Variants in RPRD1B observed in about 807,000 individuals in gnomAD.
RPRD1B encodes the protein regulation of nuclear pre-mRNA domain containing 1B, also known as regulation of nuclear pre-mRNA domain-containing protein 1B.
In RPRD1B, 11 loss-of-function variants were observed where a neutral mutation model predicts 41.5. That is an observed-to-expected ratio of 0.27 (90% CI 0.17 to 0.44). The LOEUF (loss-of-function observed/expected upper bound fraction) is 0.44. Ranked by LOEUF, RPRD1B falls within the 20% of genes least tolerant of loss-of-function variation. RPRD1B has a pLI of 1.00. For missense variants in RPRD1B, 248 were observed against 389.9 expected (o/e 0.64, Z 3.06); for synonymous variants, 158 against 155.6 (o/e 1.02, Z -0.12).
Position 38,035,601 on chromosome 20 carries a change from C to T in RPRD1B, c.151+1503C>T, listed in dbSNP as rs139872461. Among the ~76,000 whole-genome samples, 459 of 152,300 alleles carry T rather than the reference C, an allele frequency of 3.0e-3. 2 individuals carry two copies. The highest frequency in any genetic ancestry group is 0.014 in the Middle Eastern group (4 of 294). On this transcript the variant is annotated intron_variant, in intron 1 of 6. Coordinates refer to ENST00000373433, the MANE Select transcript of RPRD1B (RefSeq NM_021215.4). The stretch of plus-strand genomic sequence containing the variant: ...ATCCCCTCAGCCCTTCGGGCAGTTC[C>T]GGGAAGAGGTAGAGCCTGGAGTTTA...
intron 3 of RPRD1B, among the ~76,000 whole-genome samples, chr20:38,052,025 A>G (rs545877090): frequency 1.8e-4 from 28 of 152,342 alleles, no homozygotes; most frequent in African/African-American, 6.5e-4. Context: ...TGGCAGGATT[A>G]CAGGCATGAG....
At chr20:38,076,767 T>C (rs2074464197) in intron 6 of RPRD1B, among the ~76,000 whole-genome samples, 1 of 151,808 alleles carries the variant, frequency 6.6e-6, no homozygotes, top group Non-Finnish European at 1.5e-5. Flanking sequence ...TTAATATTAC[T>C]GTATTACAAT....
intron 6 of RPRD1B, chr20:38,070,148 T>C: frequency 1.0e-6 from 1 of 972,548 alleles, no homozygotes; most frequent in Non-Finnish European, 1.2e-6. Context: ...ACTTTTCTTT[T>C]TTCCTTTAAG....
intron 5 of RPRD1B, 30 bp from the exon 6 acceptor site, chr20:38,066,051 T>C: frequency 1.2e-6 from 2 of 1,606,538 alleles, no homozygotes; most frequent in South Asian, 1.1e-5. Context: ...TTGTATATTT[T>C]CTCTATTTTT....
At chr20:38,059,813 G>A (rs527313495) in intron 5 of RPRD1B, among the ~76,000 whole-genome samples, 8 of 152,282 alleles carry the variant, frequency 5.3e-5, no homozygotes, top group African/African-American at 1.9e-4. Flanking sequence ...TGCGTGTGGG[G>A]TGGGTGGGGG....
At chr20:38,059,561 A>T in intron 5 of RPRD1B, 41 bp downstream of exon 5, 2 of 1,604,320 alleles carry the variant, frequency 1.2e-6, no homozygotes, top group Non-Finnish European at 1.7e-6. Flanking sequence ...GGAGAGAGGG[A>T]CATAACTGTA....
intron 5 of RPRD1B, 140 bp from the exon 6 acceptor site, chr20:38,065,941 C>T (rs1040059299): frequency 2.7e-6 from 2 of 746,732 alleles, no homozygotes; most frequent in Non-Finnish European, 4.3e-6. Flanking sequence ...TTAATCAACT[C>T]ATTGTTTGTC....
chr20:38,065,800 C>T (rs2122736390), intron 5 of RPRD1B: 1 of 278,786 alleles, frequency 3.6e-6, no homozygotes, highest in South Asian at 1.2e-4. Context: ...CTTGTTTTGT[C>T]AGGAGAGCTT....
chr20:38,088,743 T>C (rs2074585757), intron 6 of RPRD1B, among the ~76,000 whole-genome samples: 1 of 152,158 alleles, frequency 6.6e-6, no homozygotes, highest in Non-Finnish European at 1.5e-5. Flanking sequence ...AAGTCTCACA[T>C]GTATGGAGAG....
rs151295739 is a variant in RPRD1B, at chr20:38,089,770, A to G, written c.876A>G (p.Glu292=). ...KLARVTQVRK[E]LKSHIQSLPD... ...CACGAGTAACCCAGGTCCGCAAGGAACTGAAATCCCATATTCAGAGCTTGC... is the reference window on the plus strand; with the variant it reads ...CACGAGTAACCCAGGTCCGCAAGGAGCTGAAATCCCATATTCAGAGCTTGC... The change falls in exon 7 of 7, where the codon GAA becomes GAG. Residue 292 remains glutamate, a synonymous_variant. Coordinates refer to ENST00000373433, the MANE Select transcript of RPRD1B (RefSeq NM_021215.4). The G allele has an allele frequency of 1.2e-6, 2 of 1,614,070 alleles. No homozygotes were observed. Among genetic ancestry groups the G allele is most frequent in the Non-Finnish European group, 1.7e-6 (2 of 1,180,044 alleles).
At chr20:38,045,257 A>C (rs2074109706) in intron 2 of RPRD1B, among the ~76,000 whole-genome samples, 1 of 152,204 alleles carries the variant, frequency 6.6e-6, no homozygotes, top group South Asian at 2.1e-4. Flanking sequence ...TTTTCCACTT[A>C]AAGATTTCTC....
At chr20:38,087,364 A>G (rs760561484) in intron 6 of RPRD1B, among the ~76,000 whole-genome samples, 6 of 152,232 alleles carry the variant, frequency 3.9e-5, no homozygotes, top group Non-Finnish European at 8.8e-5. Context: ...TGAACTTGCC[A>G]CGTTGGTCTG....
chr20:38,034,153 A>G (rs1461772674), intron 1 of RPRD1B, 55 bp downstream of exon 1: 4 of 1,575,512 alleles, frequency 2.5e-6, no homozygotes, highest in Non-Finnish European at 3.5e-6. Context: ...TCTCGCCCAC[A>G]TACAACCTAG....
intron 2 of RPRD1B, among the ~76,000 whole-genome samples, chr20:38,047,193 T>C (rs988650275): frequency 2.0e-5 from 3 of 152,218 alleles, no homozygotes; most frequent in African/African-American, 7.2e-5. Context: ...TTTCCTTTTT[T>C]TTCCCGAACC....
intron 3 of RPRD1B, among the ~76,000 whole-genome samples, chr20:38,056,497 A>G (rs1383396668): frequency 6.6e-6 from 1 of 152,246 alleles, no homozygotes; most frequent in Non-Finnish European, 1.5e-5. Context: ...AACAGGAGCT[A>G]CGTGACTTGT....
At chr20:38,035,690 TGAATTGCCACTGTACA>T (rs779236364) in intron 1 of RPRD1B, among the ~76,000 whole-genome samples, 1 of 152,150 alleles carries the variant, frequency 6.6e-6, no homozygotes, top group Non-Finnish European at 1.5e-5. Flanking sequence ...TGCTGAAATG[TGAATTGCCACTGTACA>T]GAATTCTATT....
At chr20:38,043,537 T>A (rs556775623) in intron 2 of RPRD1B, among the ~76,000 whole-genome samples, 1 of 152,238 alleles carries the variant, frequency 6.6e-6, no homozygotes, top group South Asian at 2.1e-4. Context: ...GAGGGATGGA[T>A]TGTAAAGGCC....
At position 38,090,326 on chromosome 20, in the gene RPRD1B, G is replaced by C. The variant is rs550744896; in HGVS notation, c.*451G>C. On this transcript the variant is annotated 3_prime_UTR_variant, in exon 7 of 7. Coordinates refer to ENST00000373433, the MANE Select transcript of RPRD1B (RefSeq NM_021215.4). ...CCACTAAGGCACTTGTCCTGGAGACGTTGGCTTTCCCAGCTGCATCTGCCC... is the reference window on the plus strand; with the variant it reads ...CCACTAAGGCACTTGTCCTGGAGACCTTGGCTTTCCCAGCTGCATCTGCCC... 2.7e-5 allele frequency: 27 copies of C among 986,638 alleles called. No individual in the cohort carries two copies. Among genetic ancestry groups the C allele is most frequent in the African/African-American group, 3.5e-5 (2 of 57,258 alleles). The allele number at this position is 986,638 out of a possible 1,614,324, so 61.1% of individuals were successfully genotyped here. A position where few individuals can be genotyped will look rare whatever the true frequency, so the allele number is the denominator to read the frequency against.
intron 5 of RPRD1B, among the ~76,000 whole-genome samples, chr20:38,060,982 T>C (rs2074291660): frequency 6.6e-6 from 1 of 152,236 alleles, no homozygotes; most frequent in Non-Finnish European, 1.5e-5. Context: ...ACTTCATTTA[T>C]TCTTACTGTC....
Sources: allele counts gnomAD v4.1 joint callset (sites outside exome capture counted in the v4.1 genomes callset), GRCh38; gene constraint gnomAD v4.1.1; transcripts MANE v1.5; gene names NCBI Gene and HGNC (gene_info 2026-07-23, HGNC 2026-07-21).